CLEC17A: variants seen among roughly 807,000 people sequenced by gnomAD.
CLEC17A encodes C-type lectin domain family 17, member A.
Under a neutral mutation model 61.3 loss-of-function variants are expected in CLEC17A, and 37 were observed. That is an observed-to-expected ratio of 0.60 (90% confidence interval 0.46 to 0.79). The LOEUF (loss-of-function observed/expected upper bound fraction) is 0.79, where lower values mean the gene tolerates loss of function less well. Ranked by LOEUF, CLEC17A falls within the 30% of genes least tolerant of loss-of-function variation. The probability of loss-of-function intolerance (pLI) is 0.00; values close to 1 mark genes in which losing one functional copy is unlikely to be tolerated. For synonymous variants in CLEC17A, 168 were observed against 164.9 expected (o/e 1.02, Z -0.14); for missense variants, 418 against 464.7 (o/e 0.90, Z 0.92).
rs186383051 is a variant in CLEC17A at position 14,610,903 on chromosome 19, C to T, written c.*707C>T. The T allele has an allele frequency of 1.3e-5, 2 of 152,220 alleles. No homozygotes were observed. The highest frequency in any genetic ancestry group is 4.8e-5 in the African/African-American group (2 of 41,538). 9.4% of individuals were successfully genotyped at this position (152,220 alleles called of 1,614,324 possible). A position where few individuals can be genotyped will look rare whatever the true frequency, so the allele number is the denominator to read the frequency against. Reference sequence around the variant, plus strand: ...TCTCAAACTCCTGGGGTCAAGCAATCCTTCCGTGATGGCCTCCCAAAGTGC... The same window carrying T: ...TCTCAAACTCCTGGGGTCAAGCAATTCTTCCGTGATGGCCTCCCAAAGTGC... On this transcript the variant is annotated 3_prime_UTR_variant, in exon 14 of 14. Transcript: ENST00000417570.
At chr19:14,590,596 A>G (rs1568448407) in intron 3 of CLEC17A, among the ~76,000 whole-genome samples, 1 of 152,102 alleles carries the variant, frequency 6.6e-6, no homozygotes, top group Non-Finnish European at 1.5e-5. Context: ...CATGTTGCTC[A>G]GGCTGGTCTC....
At chr19:14,591,908 G>T (rs1243763144) in intron 3 of CLEC17A, among the ~76,000 whole-genome samples, 1 of 140,306 alleles carries the variant, frequency 7.1e-6, no homozygotes, top group Non-Finnish European at 1.6e-5. Context: ...ATGTGTGTGT[G>T]TGTGTGTGTG....
rs2074896486 is a variant in CLEC17A at position 14,607,013 on chromosome 19, T to C, written c.915T>C (p.His305=). The part of the protein sequence containing the change: ...FAEHNFVAKA[H]GSPRVYWLGL... ...TGCAGAATTTTGTGGCCAAGGCCCATGGCTCTCCACGGGTGTACTGGCTGG... is the reference window on the plus strand; with the variant it reads ...TGCAGAATTTTGTGGCCAAGGCCCACGGCTCTCCACGGGTGTACTGGCTGG... The change falls in exon 13 of 14, where the codon CAT becomes CAC. Residue 305 remains histidine, a synonymous_variant. Transcript: ENST00000417570. 7.7e-7 allele frequency: 1 copy of C among 1,303,778 alleles called. No homozygotes were observed. Among genetic ancestry groups the C allele is most frequent in the Non-Finnish European group, 9.8e-7 (1 of 1,021,930 alleles). 80.8% of individuals were successfully genotyped at this position (1,303,778 alleles called of 1,614,324 possible). A position where few individuals can be genotyped will look rare whatever the true frequency, so the allele number is the denominator to read the frequency against.
intron 4 of CLEC17A, among the ~76,000 whole-genome samples, chr19:14,592,691 A>G (rs1269443220): frequency 3.3e-5 from 5 of 151,196 alleles, no homozygotes; most frequent in Non-Finnish European, 5.9e-5. Context: ...TTTGAGATGG[A>G]ATTTCACTCT....
chr19:14,583,382 T>C lies in CLEC17A; in HGVS notation c.69T>C (p.Asp23=). ...GGACCATGGAGGAGGAGGAGGAGGA[T>C]GATGACTATGAGAACTCAACACCTC... ...PPGTMEEEEE[D]DDYENSTPPY... Residue 23 remains aspartate, a synonymous_variant, in exon 2 of 14, where the codon GAT becomes GAC. Transcript: ENST00000417570. 6.2e-7 allele frequency: 1 copy of C among 1,603,524 alleles called. No individual in the cohort carries two copies.
intron 3 of CLEC17A, 89 bp downstream of exon 3, chr19:14,587,780 A>G (rs1163828946): frequency 1.3e-6 from 2 of 1,576,648 alleles, no homozygotes; most frequent in Non-Finnish European, 1.7e-6. Context: ...ACACACAGTC[A>G]GTCTCCTCTC....
Position 14,610,333 on chromosome 19 carries a change from A to C in CLEC17A, c.*137A>C. 1.6e-6 allele frequency: 2 copies of C among 1,248,284 alleles called. No individual in the cohort carries two copies. Among genetic ancestry groups the C allele is most frequent in the Non-Finnish European group, 2.2e-6 (2 of 911,348 alleles). The allele number at this position is 1,248,284 out of a possible 1,614,324, so 77.3% of individuals were successfully genotyped here. On this transcript the variant is annotated 3_prime_UTR_variant, in exon 14 of 14. Transcript: ENST00000417570. ...CAAACAGGATTGGCACCCTGGATGCAGCAAGTTCCCAGGGGTGCAAGTCAG... is the reference window on the plus strand; with the variant it reads ...CAAACAGGATTGGCACCCTGGATGCCGCAAGTTCCCAGGGGTGCAAGTCAG...
At chr19:14,598,387 C>A (rs1163781610) in intron 10 of CLEC17A, among the ~76,000 whole-genome samples, 1 of 148,216 alleles carries the variant, frequency 6.7e-6, no homozygotes, top group South Asian at 2.2e-4. Context: ...TCCTTCCTTC[C>A]CTTCCCTTCT....
upstream of CLEC17A, among the ~76,000 whole-genome samples, chr19:14,581,762 C>G (rs528074517): frequency 6.6e-6 from 1 of 152,112 alleles, no homozygotes; most frequent in African/African-American, 2.4e-5. Flanking sequence ...AAACGATTCT[C>G]CTGCCTCAGC....
Position 14,596,905 on chromosome 19 carries a change from T to G in CLEC17A, c.475T>G (p.Ser159Ala). 1 of 1,608,582 alleles carries G rather than the reference T, an allele frequency of 6.2e-7. No homozygotes were observed. The highest frequency in any genetic ancestry group is 8.5e-7 in the Non-Finnish European group (1 of 1,177,540). ...TCCAGTCCCCTGGCTCAATCAGAGG[T>G]CTGGAGGTCCTGGCTGCTGCCAGAA... is the stretch of plus-strand genomic sequence containing the variant. ...ATPVPWLNQRSGGPGCCQKRW... is the reference protein window; with the variant it reads ...ATPVPWLNQRAGGPGCCQKRW... Residue 159 changes from serine (S) to alanine (A), a missense_variant, in exon 9 of 14, where the codon TCT (serine) becomes GCT (alanine). Physicochemically the swap from Ser to Ala is moderately conservative, Grantham distance 99. Coordinates refer to ENST00000417570, the MANE Select transcript of CLEC17A (RefSeq NM_001204118.2).
chr19:14,593,585 C>T (rs1461109890), intron 4 of CLEC17A, among the ~76,000 whole-genome samples: 1 of 151,950 alleles, frequency 6.6e-6, no homozygotes, highest in Non-Finnish European at 1.5e-5. Flanking sequence ...TTGCTAGAAC[C>T]CGGGAGTTCA....
rs767290093 is a variant in CLEC17A at position 14,594,752 on chromosome 19, C to T, written c.362-7C>T. The T allele has an allele frequency of 1.2e-6, 2 of 1,614,026 alleles. No individual in the cohort carries two copies. Among genetic ancestry groups the T allele is most frequent in the Non-Finnish European group, 1.7e-6 (2 of 1,179,890 alleles). On this transcript the variant is annotated splice_polypyrimidine_tract_variant and splice_region_variant and intron_variant, in intron 6 of 13. Transcript: ENST00000417570. ...CCTTCTTGAAATGACTTTCTCATCT[C>T]TTCTAGGCCTGGACCTCGCCGCTGT...
At chr19:14,588,566 A>G (rs1463883584) in intron 3 of CLEC17A, 2 of 151,996 alleles carry the variant, frequency 1.3e-5, no homozygotes, top group African/African-American at 2.4e-5. Context: ...AAACAGAGCC[A>G]CTCGACACCC....
At chr19:14,588,088 C>T (rs2074328475) in intron 3 of CLEC17A, among the ~76,000 whole-genome samples, 1 of 151,996 alleles carries the variant, frequency 6.6e-6, no homozygotes, top group Non-Finnish European at 1.5e-5. Flanking sequence ...CTGTGGGCTC[C>T]CAATCTCCTC....
In CLEC17A at chr19:14,592,473, A is replaced by G. The variant is rs1323064579; in HGVS notation, c.277+115A>G. 31 of 1,541,044 alleles carry G rather than the reference A, an allele frequency of 2.0e-5. 1 individual carries two copies. The highest frequency in any genetic ancestry group is 8.6e-5 in the South Asian group (7 of 81,166). On this transcript the variant is annotated intron_variant, in intron 4 of 13. Coordinates refer to ENST00000417570, the MANE Select transcript of CLEC17A (RefSeq NM_001204118.2). Reference sequence around the variant, plus strand: ...GTCTCCTCTGTATCCAGCCCATGCCAGGCACTGTGCAACACACACCCTGCC... The same window carrying G: ...GTCTCCTCTGTATCCAGCCCATGCCGGGCACTGTGCAACACACACCCTGCC...
chr19:14,607,394 G>T (rs542609385), intron 13 of CLEC17A, among the ~76,000 whole-genome samples: 2 of 151,412 alleles, frequency 1.3e-5, no homozygotes, highest in Non-Finnish European at 1.5e-5. Context: ...TAGTAGAGAC[G>T]GGGTTTCACC....
chr19:14,587,087 C>T (rs1321523851), intron 2 of CLEC17A, among the ~76,000 whole-genome samples: 1 of 151,706 alleles, frequency 6.6e-6, no homozygotes, highest in Non-Finnish European at 1.5e-5. Flanking sequence ...CGGGGTTTCA[C>T]CACGTTGGTT....
intron 2 of CLEC17A, among the ~76,000 whole-genome samples, chr19:14,586,192 C>A (rs536637969): frequency 1.3e-5 from 2 of 148,662 alleles, no homozygotes; most frequent in East Asian, 4.0e-4. Context: ...ATGGTGCAAT[C>A]TTGGCTGACA....
At chr19:14,581,301 G>C (rs1045487495), upstream of CLEC17A, among the ~76,000 whole-genome samples, 1 of 152,030 alleles carries the variant, frequency 6.6e-6, no homozygotes, top group Non-Finnish European at 1.5e-5. Context: ...TGAGTGACTC[G>C]GAACCACAGA....
Sources: gnomAD v4.1 joint callset for allele counts (sites outside exome capture counted in the v4.1 genomes callset) on GRCh38, gnomAD v4.1.1 for gene constraint, MANE v1.5 for transcripts, NCBI Gene and HGNC (gene_info 2026-07-23, HGNC 2026-07-21) for gene names.